The following LDLRAD3 variants were observed in gnomAD, a reference collection of about 807,000 sequenced individuals.
The protein encoded by LDLRAD3 is low density lipoprotein receptor class A domain containing 3, also known as low-density lipoprotein receptor class A domain-containing protein 3.
LDLRAD3 carries 20 observed loss-of-function variants against 29.4 expected under a neutral mutation model. That is an observed-to-expected ratio of 0.68 (90% CI 0.48 to 0.99). LDLRAD3 has a LOEUF of 0.99. Ranked by LOEUF, LDLRAD3 falls within the 50% of genes least tolerant of loss-of-function variation. The probability of loss-of-function intolerance (pLI) is 0.00; values close to 1 mark genes in which losing one functional copy is unlikely to be tolerated. For synonymous variants in LDLRAD3, 157 were observed against 192.7 expected (o/e 0.81, Z 1.53); for missense variants, 420 against 454.3 (o/e 0.92, Z 0.69).
intron 4 of LDLRAD3, among the ~76,000 whole-genome samples, chr11:36,212,773 G>A (rs1191118453): frequency 6.6e-6 from 1 of 152,100 alleles, no homozygotes; most frequent in African/African-American, 2.4e-5. Context: ...ACTGCTGGGG[G>A]CTTTCCTCCA....
At chr11:36,156,476 A>G (rs1457089079) in intron 4 of LDLRAD3, among the ~76,000 whole-genome samples, 6 of 152,248 alleles carry the variant, frequency 3.9e-5, no homozygotes. Flanking sequence ...ATGAGCTGAA[A>G]GAAGTTGGGT....
intron 4 of LDLRAD3, among the ~76,000 whole-genome samples, chr11:36,103,644 G>A (rs1392875034): frequency 6.6e-6 from 1 of 152,178 alleles, no homozygotes; most frequent in East Asian, 1.9e-4. Flanking sequence ...TGGAGGTTAG[G>A]CGTGCCGAAG....
chr11:35,955,970 G>T (rs189401846), intron 1 of LDLRAD3, among the ~76,000 whole-genome samples: 8 of 152,292 alleles, frequency 5.3e-5, no homozygotes, highest in African/African-American at 9.6e-5. Flanking sequence ...ACTCATGGAA[G>T]CTATGGGGAT....
intron 1 of LDLRAD3, among the ~76,000 whole-genome samples, chr11:36,014,295 T>C (rs1341709691): frequency 6.6e-6 from 1 of 152,178 alleles, no homozygotes; most frequent in African/African-American, 2.4e-5. Flanking sequence ...GACAGACAGA[T>C]AGACAGAGAG....
chr11:36,181,544 C>T (rs139908938), intron 4 of LDLRAD3, among the ~76,000 whole-genome samples: 2 of 152,110 alleles, frequency 1.3e-5, no homozygotes, highest in African/African-American at 2.4e-5. Flanking sequence ...AAGTCCAGAC[C>T]GTCCCTGGGA....
Position 35,951,522 on chromosome 11 carries a change from A to C in LDLRAD3, c.46+7378A>C, listed in dbSNP as rs115669500. On this transcript the variant is annotated intron_variant, in intron 1 of 5. Transcript: ENST00000315571. ...TTGAACAGACACCCCTTTTGTTGCT[A>C]TCTCAGAAGCACAGCTGATACACCT... is the stretch of plus-strand genomic sequence containing the variant. Among the ~76,000 whole-genome samples the C allele has an allele frequency of 2.0e-3, 307 of 152,244 alleles. 1 individual carries two copies. Among genetic ancestry groups the C allele is most frequent in the African/African-American group, 7.0e-3 (290 of 41,548 alleles).
At chr11:36,156,466 A>G (rs1854352807) in intron 4 of LDLRAD3, among the ~76,000 whole-genome samples, 1 of 152,236 alleles carries the variant, frequency 6.6e-6, no homozygotes, top group South Asian at 2.1e-4. Context: ...CATTGTTAGC[A>G]TGAGCTGAAA....
At chr11:36,001,635 T>G (rs997415034) in intron 1 of LDLRAD3, among the ~76,000 whole-genome samples, 1 of 152,196 alleles carries the variant, frequency 6.6e-6, no homozygotes, top group Non-Finnish European at 1.5e-5. Flanking sequence ...AAAAAGGGCT[T>G]TTGTTGCTGT....
chr11:36,228,442 CCCAGCATTGCTGTTTA>C (rs1450026992), intron 5 of LDLRAD3, among the ~76,000 whole-genome samples: 1 of 152,178 alleles, frequency 6.6e-6, no homozygotes, highest in Non-Finnish European at 1.5e-5. Context: ...GGGTTCAAAT[CCCAGCATTGCTGTTTA>C]CCAGTTATTT....
At chr11:36,108,503 G>A (rs952968907) in intron 4 of LDLRAD3, among the ~76,000 whole-genome samples, 1 of 152,070 alleles carries the variant, frequency 6.6e-6, no homozygotes, top group Non-Finnish European at 1.5e-5. Flanking sequence ...GTAGCGTGAG[G>A]AATGTGTTGC....
intron 4 of LDLRAD3, among the ~76,000 whole-genome samples, chr11:36,128,666 T>C (rs1450629096): frequency 2.0e-5 from 3 of 152,042 alleles, no homozygotes; most frequent in South Asian, 2.1e-4. Context: ...TTGGGCAACA[T>C]GGTGAAACCC....
At chr11:36,015,306 T>TTCCCCCCCCCCCCCCCCCCCC (rs1852006780) in intron 1 of LDLRAD3, among the ~76,000 whole-genome samples, 1 of 87,724 alleles carries the variant, frequency 1.1e-5, no homozygotes, top group African/African-American at 4.5e-5. Flanking sequence ...GACATGCCAT[T>TTCCCCCCCCCCCCCCCCCCCC]CCCCCCCCCC....
At chr11:35,999,108 G>A (rs1241352159) in intron 1 of LDLRAD3, among the ~76,000 whole-genome samples, 1 of 152,208 alleles carries the variant, frequency 6.6e-6, no homozygotes, top group Non-Finnish European at 1.5e-5. Context: ...CATCGATTGG[G>A]CACCTACTGT....
Position 36,137,594 on chromosome 11 carries a change from A to G in LDLRAD3, c.454+39133A>G, listed in dbSNP as rs148921552. ...TTGGTTTCCAGGAGGTTGAAGTTTC[A>G]TGAGAACAGCTCGGCACAGCTAAGC... is the stretch of plus-strand genomic sequence containing the variant. On this transcript the variant is annotated intron_variant, in intron 4 of 5. Transcript: ENST00000315571. Among the ~76,000 whole-genome samples the G allele has an allele frequency of 7.9e-5, 12 of 152,360 alleles. No homozygotes were observed. In the East Asian group the frequency reaches 2.3e-3, roughly 29 times the overall value.
intron 4 of LDLRAD3, among the ~76,000 whole-genome samples, chr11:36,146,148 T>G (rs1473282111): frequency 6.6e-6 from 1 of 152,154 alleles, no homozygotes; most frequent in African/African-American, 2.4e-5. Context: ...TTATTCAGAC[T>G]CAGTCACTGC....
Position 36,036,219 on chromosome 11 carries a change from T to C in LDLRAD3, c.163T>C (p.Cys55Arg). The C allele has an allele frequency of 1.2e-6, 2 of 1,613,758 alleles. No individual in the cohort carries two copies. Among genetic ancestry groups the C allele is most frequent in the African/African-American group, 1.3e-5 (1 of 74,816 alleles). Reference sequence around the variant, plus strand: ...CTGGCAGTGTGACGGGCTGCCTGACTGCTTCGACAAGAGTGATGAGAAGGA... The same window carrying C: ...CTGGCAGTGTGACGGGCTGCCTGACCGCTTCGACAAGAGTGATGAGAAGGA... ...GAWQCDGLPD[C>R]FDKSDEKECP... Residue 55 changes from cysteine (C) to arginine (R), a missense_variant, in exon 2 of 6, where the codon TGC becomes CGC. Transcript: ENST00000315571.
intron 1 of LDLRAD3, among the ~76,000 whole-genome samples, chr11:35,974,429 A>G (rs1393136271): frequency 2.0e-5 from 3 of 152,150 alleles, no homozygotes; most frequent in African/African-American, 4.8e-5. Context: ...ATGTTTTAAC[A>G]CAGCACACAC....
At chr11:36,140,884 A>G (rs535010061) in intron 4 of LDLRAD3, among the ~76,000 whole-genome samples, 1 of 152,310 alleles carries the variant, frequency 6.6e-6, no homozygotes, top group African/African-American at 2.4e-5. Context: ...ATTGAAGTAG[A>G]TAAAGCATCC....
At position 36,117,651 on chromosome 11, in the gene LDLRAD3, C is replaced by T. The variant is rs557432172; in HGVS notation, c.454+19190C>T. ...GCCTGGCTCCCTGGTTCCCACCCAG[C>T]GTGACAGTGTGATGGGCAGTGTGAC... On this transcript the variant is annotated intron_variant, in intron 4 of 5. Transcript: ENST00000315571. Among the ~76,000 whole-genome samples, 24 of 152,324 alleles carry T rather than the reference C, an allele frequency of 1.6e-4. 1 individual carries two copies. In the South Asian group the frequency reaches 4.8e-3, roughly 30 times the overall value.
Sources: gnomAD v4.1 joint callset for allele counts (sites outside exome capture counted in the v4.1 genomes callset) on GRCh38, gnomAD v4.1.1 for gene constraint, MANE v1.5 for transcripts, NCBI Gene and HGNC (gene_info 2026-07-23, HGNC 2026-07-21) for gene names.